Variants in TENM3 observed in about 807,000 individuals in gnomAD.
TENM3 encodes the protein teneurin transmembrane protein 3, also known as teneurin-3.
In TENM3, 63 loss-of-function variants were observed where a neutral mutation model predicts 255.1. The ratio of observed to expected loss-of-function variants is 0.25; its 90% CI spans 0.20 to 0.30. TENM3 has a LOEUF of 0.30. Among genes scored for constraint, TENM3 ranks in the 10% least tolerant of loss-of-function variants. The probability of loss-of-function intolerance (pLI) is 1.00; values close to 1 mark genes in which losing one functional copy is unlikely to be tolerated. For missense variants in TENM3, 2,929 were observed against 3,461.1 expected, an observed-to-expected ratio of 0.85 and a Z score of 3.86; for synonymous variants, 1,306 against 1,322.3, an observed-to-expected ratio of 0.99 and a Z score of 0.27.
chr4:182,016,630 C>A, the TENM3 span, among the ~76,000 whole-genome samples: 2 of 152,138 alleles, frequency 1.3e-5, no homozygotes, highest in Non-Finnish European at 2.9e-5. Flanking sequence ...CTATAGGCAA[C>A]TTTTACTTGC....
chr4:182,731,019 T>C lies in TENM3; in HGVS notation c.2847T>C (p.Asn949=). 1.2e-6 allele frequency: 2 copies of C among 1,613,922 alleles called. No homozygotes were observed. Among genetic ancestry groups the C allele is most frequent in the Non-Finnish European group, 1.7e-6 (2 of 1,179,850 alleles). ...CCCTAGTCATGAAGAAAGAAGAGAATGACATTCCCAGCTGTGATCTGAGTG... is the reference window on the plus strand; with the variant it reads ...CCCTAGTCATGAAGAAAGAAGAGAACGACATTCCCAGCTGTGATCTGAGTG... ...MDTLVMKKEE[N]DIPSCDLSGF... The change falls in exon 16 of 28, where the codon AAT becomes AAC. Residue 949 remains asparagine, a synonymous_variant. Transcript: ENST00000511685.
chr4:182,621,319 A>G (rs1307868661), intron 4 of TENM3, among the ~76,000 whole-genome samples: 1 of 151,924 alleles, frequency 6.6e-6, no homozygotes, highest in Non-Finnish European at 1.5e-5. Context: ...CCCATGTTTT[A>G]TAGCATTTCT....
the TENM3 span, among the ~76,000 whole-genome samples, chr4:181,518,561 G>A: frequency 6.6e-6 from 1 of 152,196 alleles, no homozygotes; most frequent in South Asian, 2.1e-4. Context: ...CTGAGTAGCT[G>A]GGACTATAGG....
the TENM3 span, among the ~76,000 whole-genome samples, chr4:181,448,463 G>A: frequency 6.6e-6 from 1 of 151,966 alleles, no homozygotes; most frequent in Non-Finnish European, 1.5e-5. Context: ...GAGCCACCGC[G>A]CCCGGCCGAA....
chr4:182,411,110 C>T (rs768183699), intron 3 of TENM3, among the ~76,000 whole-genome samples: 7 of 152,144 alleles, frequency 4.6e-5, no homozygotes, highest in Non-Finnish European at 7.3e-5. Flanking sequence ...GTGGACTTAT[C>T]CCTAAGTCCC....
the TENM3 span, among the ~76,000 whole-genome samples, chr4:181,784,740 G>C: frequency 2.6e-5 from 4 of 152,272 alleles, no homozygotes; most frequent in East Asian, 5.8e-4. Context: ...CCAAGGGACA[G>C]TCATCCCAAT....
the TENM3 span, among the ~76,000 whole-genome samples, chr4:181,940,762 T>G: frequency 6.6e-6 from 1 of 152,052 alleles, no homozygotes. Flanking sequence ...GGCAGAGGAG[T>G]GACATGGCAT....
chr4:181,729,283 T>C, the TENM3 span, among the ~76,000 whole-genome samples: 21 of 152,162 alleles, frequency 1.4e-4, no homozygotes, highest in African/African-American at 4.3e-4. Context: ...TTAGGGTTCA[T>C]TGAAGCTATG....
chr4:181,565,668 TTATATA>T, the TENM3 span, among the ~76,000 whole-genome samples: 1 of 152,206 alleles, frequency 6.6e-6, no homozygotes, highest in South Asian at 2.1e-4. Flanking sequence ...GGTGTACACT[TTATATA>T]TAATATCTTA....
rs546789287 is a variant in TENM3, at chr4:182,755,667, G to A, written c.4892+408G>A. 1.6e-4 allele frequency among the ~76,000 whole-genome samples: 24 copies of A among 152,160 alleles called. No homozygotes were observed. The East Asian group carries it at 3.7e-3, about 23-fold the overall frequency. Reference sequence around the variant, plus strand: ...TCCTGGATAACACGGTGAAACCCCCGTCTCTACTAAAAATACAAAAAAAAT... The same window carrying A: ...TCCTGGATAACACGGTGAAACCCCCATCTCTACTAAAAATACAAAAAAAAT... On this transcript the variant is annotated intron_variant, in intron 22 of 27. Coordinates refer to ENST00000511685, the MANE Select transcript of TENM3 (RefSeq NM_001080477.4).
At chr4:181,483,738 A>G in the TENM3 span, among the ~76,000 whole-genome samples, 3 of 152,150 alleles carry the variant, frequency 2.0e-5, no homozygotes, top group African/African-American at 7.2e-5. Flanking sequence ...CAGTGGTATC[A>G]ATACAAGTCT....
chr4:182,120,303 A>T, the TENM3 span, among the ~76,000 whole-genome samples: 134 of 152,306 alleles, frequency 8.8e-4, no homozygotes, highest in African/African-American at 3.1e-3. Flanking sequence ...CCTACCATAT[A>T]GCCCTGATGT....
chr4:182,127,504 T>C, the TENM3 span, among the ~76,000 whole-genome samples: 3 of 152,234 alleles, frequency 2.0e-5, no homozygotes, highest in Admixed American at 2.0e-4. Flanking sequence ...AAAAGGGAAC[T>C]GAACTGATGC....
At chr4:182,563,413 G>A (rs1282306597) in intron 3 of TENM3, among the ~76,000 whole-genome samples, 1 of 151,982 alleles carries the variant, frequency 6.6e-6, no homozygotes, top group Non-Finnish European at 1.5e-5. Flanking sequence ...CAGCCTGGGT[G>A]ACAGAGCAAG....
chr4:181,922,059 C>A, the TENM3 span, among the ~76,000 whole-genome samples: 8 of 152,174 alleles, frequency 5.3e-5, no homozygotes, highest in East Asian at 1.5e-3. Flanking sequence ...TATATTGAAC[C>A]AGCCTTGCAT....
At chr4:181,966,829 A>G in the TENM3 span, among the ~76,000 whole-genome samples, 2 of 152,182 alleles carry the variant, frequency 1.3e-5, no homozygotes, top group African/African-American at 4.8e-5. Flanking sequence ...ACAAAGCATT[A>G]TCTTTACTTG....
intron 4 of TENM3, among the ~76,000 whole-genome samples, chr4:182,621,911 G>T (rs1581131040): frequency 1.4e-5 from 2 of 145,234 alleles, no homozygotes; most frequent in East Asian, 4.0e-4. Flanking sequence ...GGAGGTCAAG[G>T]CTCCAGTGAG....
rs563271121 is a variant in TENM3, at chr4:182,671,848, T to A, written c.1112-1157T>A. Among the ~76,000 whole-genome samples the A allele has an allele frequency of 1.0e-3, 152 of 152,248 alleles. No homozygotes were observed. In the South Asian group the frequency reaches 0.016, roughly 16 times the overall value. The stretch of plus-strand genomic sequence containing the variant: ...TGAATTAACAGTTTAATATTTTTTT[T>A]AAAAAAGACAAAGTTGGTAGTAAGT... On this transcript the variant is annotated intron_variant, in intron 6 of 27. Coordinates refer to ENST00000511685, the MANE Select transcript of TENM3 (RefSeq NM_001080477.4).
chr4:182,229,642 A>C (rs1756431680), intron 1 of TENM3, among the ~76,000 whole-genome samples: 1 of 151,532 alleles, frequency 6.6e-6, no homozygotes, highest in African/African-American at 2.4e-5. Flanking sequence ...ATATACACAC[A>C]CACACACATA....
Sources: gnomAD v4.1 joint callset for allele counts (sites outside exome capture counted in the v4.1 genomes callset) on GRCh38, gnomAD v4.1.1 for gene constraint, MANE v1.5 for transcripts, NCBI Gene and HGNC (gene_info 2026-07-23, HGNC 2026-07-21) for gene names.